The following ASIC4 variants were observed in gnomAD, a reference collection of about 807,000 sequenced individuals.
ASIC4 encodes the protein acid sensing ion channel subunit family member 4.
ASIC4 carries 28 observed loss-of-function variants against 53.4 expected under a neutral mutation model. The ratio of observed to expected loss-of-function variants is 0.52; its 90% CI spans 0.39 to 0.72. ASIC4 has a LOEUF of 0.72. Ranked by LOEUF, ASIC4 falls within the 30% of genes least tolerant of loss-of-function variation. The pLI is 0.00. For missense variants in ASIC4, 649 were observed against 729.7 expected (o/e 0.89, Z 1.27); for synonymous variants, 289 against 301.4 (o/e 0.96, Z 0.43).
Position 219,518,798 on chromosome 2 carries a change from C to A in ASIC4, c.582+3492C>A, listed in dbSNP as rs1454509467. ...CAAGGGTGGCTCTAAAATTCAGCAT[C>A]TCCTCTCACCTGGGGACCACCAGGA... On this transcript the variant is annotated intron_variant, in intron 1 of 9. Coordinates refer to ENST00000358078, the MANE Select transcript of ASIC4 (RefSeq NM_018674.6). The surrounding 1 kb of genome is among the most constrained non-coding windows in gnomAD (Gnocchi z 4.8). 6.6e-6 allele frequency among the ~76,000 whole-genome samples: 1 copy of A among 152,240 alleles called. No homozygotes were observed. Among genetic ancestry groups the A allele is most frequent in the Non-Finnish European group, 1.5e-5 (1 of 68,048 alleles).
intron 5 of ASIC4, among the ~76,000 whole-genome samples, chr2:219,534,612 T>A (rs1043958841): frequency 6.6e-6 from 1 of 152,100 alleles, no homozygotes; most frequent in Non-Finnish European, 1.5e-5. Flanking sequence ...GTTGATGCAT[T>A]TGGGGGAGAT....
rs772433201 is a variant in ASIC4 at position 219,531,810 on chromosome 2, C to T, written c.635C>T (p.Ser212Leu). The T allele has an allele frequency of 6.8e-6, 11 of 1,613,374 alleles. No homozygotes were observed. Among genetic ancestry groups the T allele is most frequent in the East Asian group, 2.2e-5 (1 of 44,880 alleles). ...ACCTTCAACGCGGACCCGCGGAGCT[C>T]GCTGCCCAGCCGGGCAGGGGGCATG... Reference protein sequence around the residue: ...CYTFNADPRSSLPSRAGGMGS... With the variant: ...CYTFNADPRSLLPSRAGGMGS... Residue 212 changes from serine to leucine, a missense_variant, in exon 2 of 10, where the codon TCG becomes TTG. Physicochemically the swap from Ser to Leu is moderately radical, Grantham distance 145. Coordinates refer to ENST00000358078, the MANE Select transcript of ASIC4 (RefSeq NM_018674.6).
rs149402606 is a variant in ASIC4, at chr2:219,523,694, A to G, written c.583-8064A>G. On this transcript the variant is annotated intron_variant, in intron 1 of 9. Transcript: ENST00000358078. ...ATTGAGCTCCTGTTCCACCGTGGTGACCTTGGCTAGGTCACCCCATCACTA... is the reference window on the plus strand; with the variant it reads ...ATTGAGCTCCTGTTCCACCGTGGTGGCCTTGGCTAGGTCACCCCATCACTA... Among the ~76,000 whole-genome samples the G allele has an allele frequency of 1.8e-3, 273 of 152,286 alleles. 2 individuals are homozygous for G. Among genetic ancestry groups the G allele is most frequent in the African/African-American group, 6.3e-3 (262 of 41,554 alleles).
chr2:219,525,200 C>T (rs944941437), intron 1 of ASIC4, among the ~76,000 whole-genome samples: 4 of 152,220 alleles, frequency 2.6e-5, no homozygotes, highest in Non-Finnish European at 5.9e-5. Flanking sequence ...TCTGCCCTAG[C>T]TTGGTTCATG....
intron 6 of ASIC4, among the ~76,000 whole-genome samples, chr2:219,535,603 G>GT (rs1226877716): frequency 6.6e-6 from 1 of 151,530 alleles, no homozygotes; most frequent in East Asian, 1.9e-4. Context: ...CTGTGAATGG[G>GT]TATGTGTGTG....
intron 4 of ASIC4, 190 bp from the exon 5 acceptor site, chr2:219,532,693 T>C (rs1056068667): frequency 1.2e-6 from 1 of 811,474 alleles, no homozygotes; most frequent in Admixed American, 2.8e-5. Flanking sequence ...CATGTTAATA[T>C]GTATTTGTGT....
chr2:219,528,594 C>T (rs1216789431), intron 1 of ASIC4, among the ~76,000 whole-genome samples: 4 of 151,908 alleles, frequency 2.6e-5, no homozygotes, highest in Middle Eastern at 3.4e-3. Context: ...GGCTGGAGTG[C>T]GGTGGTGTGA....
chr2:219,519,394 A>G (rs921560159), intron 1 of ASIC4, among the ~76,000 whole-genome samples: 5 of 152,136 alleles, frequency 3.3e-5, no homozygotes, highest in Non-Finnish European at 5.9e-5. Flanking sequence ...TGGCATCTTC[A>G]TTACTCTCCA....
upstream of ASIC4, among the ~76,000 whole-genome samples, chr2:219,513,783 G>A (rs1209081300): frequency 2.6e-5 from 4 of 152,240 alleles, no homozygotes; most frequent in Non-Finnish European, 4.4e-5. Context: ...TTGGGGTTGG[G>A]GGCAAAATGA....
At chr2:219,509,122 G>C in the ASIC4 span, among the ~76,000 whole-genome samples, 1 of 151,956 alleles carries the variant, frequency 6.6e-6, no homozygotes, top group Non-Finnish European at 1.5e-5. The surrounding 1 kb of genome is among the most constrained non-coding windows in gnomAD (Gnocchi z 5.2). Flanking sequence ...TCTCCCTCCA[G>C]TCCCCTAGGC....
upstream of ASIC4, chr2:219,514,282 C>T: frequency 6.8e-7 from 1 of 1,471,672 alleles, no homozygotes; most frequent in Non-Finnish European, 9.0e-7. Flanking sequence ...GACGCCCGTG[C>T]TGCCGGTGAA....
intron 6 of ASIC4, 129 bp downstream of exon 6, chr2:219,535,453 G>A: frequency 8.8e-7 from 1 of 1,138,116 alleles, no homozygotes; most frequent in Non-Finnish European, 1.2e-6. Flanking sequence ...GTATGTGGGT[G>A]TGGGTGTGTA....
chr2:219,514,267 C>A (rs1225475079), upstream of ASIC4: 9 of 1,457,048 alleles, frequency 6.2e-6, no homozygotes, highest in Admixed American at 1.3e-4. Flanking sequence ...CCTGGCCTGG[C>A]TCCTGACGCC....
At chr2:219,520,639 G>A (rs1227736814) in intron 1 of ASIC4, among the ~76,000 whole-genome samples, 4 of 152,224 alleles carry the variant, frequency 2.6e-5, no homozygotes, top group Non-Finnish European at 4.4e-5. Context: ...GTGGGTTCAA[G>A]CCTCTTATCT....
chr2:219,530,616 T>G (rs1011409750), intron 1 of ASIC4, among the ~76,000 whole-genome samples: 1 of 152,230 alleles, frequency 6.6e-6, no homozygotes, highest in Non-Finnish European at 1.5e-5. Flanking sequence ...ACGGTGACAC[T>G]GAATGTGGCC....
In ASIC4 at chr2:219,518,871, A is replaced by G. The variant is rs1694840646; in HGVS notation, c.582+3565A>G. On this transcript the variant is annotated intron_variant, in intron 1 of 9. Coordinates refer to ENST00000358078, the MANE Select transcript of ASIC4 (RefSeq NM_018674.6). The surrounding 1 kb of genome is among the most constrained non-coding windows in gnomAD (Gnocchi z 4.8). The stretch of plus-strand genomic sequence containing the variant: ...TAAGCTGTGTGGCCGTGGGGAAGCC[A>G]AAAAGCTTCTGTGAGCATCGGTTTG... 6.6e-6 allele frequency among the ~76,000 whole-genome samples: 1 copy of G among 152,206 alleles called. No homozygotes were observed. The highest frequency in any genetic ancestry group is 1.5e-5 in the Non-Finnish European group (1 of 68,042).
At chr2:219,510,543 CCA>C (rs1694687603), upstream of ASIC4, among the ~76,000 whole-genome samples, 1 of 152,210 alleles carries the variant, frequency 6.6e-6, no homozygotes, top group Non-Finnish European at 1.5e-5. This position sits in a 1 kb window ranked among gnomAD's most constrained non-coding sequence, Gnocchi z 5.2. Context: ...TTCTGGCCAG[CCA>C]GGATTTTTCA....
At chr2:219,535,545 T>C (rs1020223525) in intron 6 of ASIC4, among the ~76,000 whole-genome samples, 2 of 151,482 alleles carry the variant, frequency 1.3e-5, no homozygotes, top group African/African-American at 4.9e-5. Flanking sequence ...CTTGTGGGTG[T>C]GTGAGTGTGT....
At chr2:219,512,165 C>T (rs1178411411), upstream of ASIC4, among the ~76,000 whole-genome samples, 1 of 152,080 alleles carries the variant, frequency 6.6e-6, no homozygotes, top group Non-Finnish European at 1.5e-5. Context: ...CAGCCTGGAG[C>T]TCCCCTCACA....
Sources: allele counts gnomAD v4.1 joint callset (sites outside exome capture counted in the v4.1 genomes callset), GRCh38; gene constraint gnomAD v4.1.1; non-coding constraint Gnocchi (gnomAD v3.1); transcripts MANE v1.5; gene names NCBI Gene and HGNC (gene_info 2026-07-23, HGNC 2026-07-21).